FAM184A: variants seen among roughly 807,000 people sequenced by gnomAD.
FAM184A encodes the protein protein FAM184A.
FAM184A carries 99 observed loss-of-function variants against 143.8 expected under a neutral mutation model. The ratio of observed to expected loss-of-function variants is 0.69; its 90% CI spans 0.58 to 0.81. The LOEUF (loss-of-function observed/expected upper bound fraction) is 0.81. FAM184A is among the 40% of genes least tolerant of loss of function. The pLI, the probability that FAM184A is intolerant of heterozygous loss-of-function variation, is 0.00. For synonymous variants in FAM184A, 427 were observed against 446.4 expected (o/e 0.96, Z 0.55); for missense variants, 1,217 against 1,310.5 (o/e 0.93, Z 1.10).
Position 119,065,199 on chromosome 6 carries a change from G to GA in FAM184A, c.159+12941dup, listed in dbSNP as rs775112548. Among the ~76,000 whole-genome samples the GA allele has an allele frequency of 5.9e-5, 9 of 152,158 alleles. No individual in the cohort carries two copies. The South Asian group carries it at 1.0e-3, about 18-fold the overall frequency. The stretch of plus-strand genomic sequence containing the variant: ...TGTCACCATTCTGTGATCATGTTAT[G>GA]AAAAGACTATGGCTTCCATCTTGGT... On this transcript the variant is annotated intron_variant, in intron 1 of 17. Coordinates refer to ENST00000338891, the MANE Select transcript of FAM184A (RefSeq NM_024581.6).
At position 119,093,758 on chromosome 6, in the gene FAM184A, T is replaced by A. The variant is rs536853271; in HGVS notation, c.-202+55320A>T. On this transcript the variant is annotated intron_variant, in intron 1 of 16. Transcript: ENST00000352896. Reference sequence around the variant, plus strand: ...AGACTGGTTTCTGTAACCTCCCTGATTCAAGAGCACCCAGGATTTAAGGTC... The same window carrying A: ...AGACTGGTTTCTGTAACCTCCCTGAATCAAGAGCACCCAGGATTTAAGGTC... Among the ~76,000 whole-genome samples, 6 of 152,232 alleles carry A rather than the reference T, an allele frequency of 3.9e-5. No individual in the cohort carries two copies. The East Asian group carries it at 1.2e-3, about 29-fold the overall frequency.
chr6:118,961,850 A>T lies in FAM184A; in HGVS notation c.3252T>A (p.Ile1084=), dbSNP rs1583754499. The T allele has an allele frequency of 1.9e-6, 3 of 1,613,928 alleles. No homozygotes were observed. The East Asian group carries it at 6.7e-5, about 36-fold the overall frequency. ...GNGHPNRLDP[I]PNSPVHDIEF... ...CAATATCGTGGACTGGAGAATTAGG[A>T]ATGGGATCCAGGCGGTTAGGATGTC... Residue 1084 remains isoleucine (I), a synonymous_variant, in exon 17 of 18, where the codon ATT becomes ATA. Transcript: ENST00000338891.
At chr6:119,089,171 T>TA (rs1349197989) in intron 1 of FAM184A, among the ~76,000 whole-genome samples, 8 of 148,382 alleles carry the variant, frequency 5.4e-5, no homozygotes, top group African/African-American at 2.0e-4. Flanking sequence ...TTTTTTTTTT[T>TA]AATTATCTCT....
intron 1 of FAM184A, among the ~76,000 whole-genome samples, chr6:119,101,242 G>A (rs2114834504): frequency 6.6e-6 from 1 of 151,350 alleles, no homozygotes; most frequent in South Asian, 2.1e-4. Context: ...AATTTTTTTT[G>A]TATTTTTTTA....
intron 1 of FAM184A, among the ~76,000 whole-genome samples, chr6:119,029,336 G>A (rs186990803): frequency 1.4e-4 from 21 of 152,274 alleles, no homozygotes; most frequent in Admixed American, 1.1e-3. Context: ...TCCCCTTGTC[G>A]ACAATTTATT....
chr6:119,090,365 C>T (rs897583928), intron 1 of FAM184A, among the ~76,000 whole-genome samples: 4 of 152,156 alleles, frequency 2.6e-5, no homozygotes, highest in African/African-American at 7.2e-5. Context: ...CTCTGTGTGT[C>T]TGGTTATTCA....
At chr6:119,061,084 A>G (rs1405565237) in intron 1 of FAM184A, among the ~76,000 whole-genome samples, 1 of 152,212 alleles carries the variant, frequency 6.6e-6, no homozygotes, top group Non-Finnish European at 1.5e-5. Flanking sequence ...CAATTTGAAA[A>G]TGTCAAGAAA....
intron 1 of FAM184A, among the ~76,000 whole-genome samples, chr6:119,135,153 T>C (rs2114881580): frequency 6.6e-6 from 1 of 152,268 alleles, no homozygotes; most frequent in East Asian, 1.9e-4. Context: ...TACTGAGTAA[T>C]GCAAAACGAA....
Position 118,960,020 on chromosome 6 carries a change from T to A in FAM184A, c.*83A>T, listed in dbSNP as rs1783267961. 1 of 1,053,144 alleles carries A rather than the reference T, an allele frequency of 9.5e-7. No homozygotes were observed. Among genetic ancestry groups the A allele is most frequent in the Non-Finnish European group, 1.4e-6 (1 of 718,176 alleles). The allele number at this position is 1,053,144 out of a possible 1,614,324, so 65.2% of individuals were successfully genotyped here. On this transcript the variant is annotated 3_prime_UTR_variant, in exon 18 of 18. Coordinates refer to ENST00000338891, the MANE Select transcript of FAM184A (RefSeq NM_024581.6). ...ACTTTCTCATTCACAGTGTTTGACA[T>A]AGGAAAGCCTATTTACATAACAATC...
intron 1 of FAM184A, among the ~76,000 whole-genome samples, chr6:119,066,048 C>T (rs553814208): frequency 6.6e-6 from 1 of 152,130 alleles, no homozygotes; most frequent in Non-Finnish European, 1.5e-5. Flanking sequence ...CCCATGTGTA[C>T]AGGGAAGGAA....
At chr6:119,113,772 T>A (rs1324963036) in intron 1 of FAM184A, among the ~76,000 whole-genome samples, 1 of 152,146 alleles carries the variant, frequency 6.6e-6, no homozygotes, top group East Asian at 1.9e-4. Flanking sequence ...AGACCCCCTG[T>A]CTCTACTAAA....
chr6:119,048,370 T>C (rs1187224854), intron 1 of FAM184A, among the ~76,000 whole-genome samples: 1 of 152,160 alleles, frequency 6.6e-6, no homozygotes, highest in African/African-American at 2.4e-5. Flanking sequence ...GAATTGGAAG[T>C]CTTAGCCAGA....
intron 10 of FAM184A, 58 bp downstream of exon 10, chr6:118,980,080 A>G: frequency 1.4e-6 from 2 of 1,472,678 alleles, no homozygotes; most frequent in Middle Eastern, 2.2e-4. Flanking sequence ...TTTAATTTGA[A>G]GACTAATTAT....
intron 1 of FAM184A, among the ~76,000 whole-genome samples, chr6:119,042,842 T>C (rs1000689612): frequency 6.6e-6 from 1 of 152,066 alleles, no homozygotes; most frequent in African/African-American, 2.4e-5. Context: ...CCATGTGTGT[T>C]GGAGAAAAGG....
At chr6:119,055,603 C>T (rs914109450) in intron 1 of FAM184A, among the ~76,000 whole-genome samples, 1 of 152,154 alleles carries the variant, frequency 6.6e-6, no homozygotes, top group Admixed American at 6.6e-5. Flanking sequence ...GAAGTGGTAT[C>T]GCACTGTGTT....
rs1471303977 is a variant in FAM184A at position 119,024,711 on chromosome 6, T to C, written c.262A>G (p.Arg88Gly). The change falls in exon 2 of 18, where the codon AGA becomes GGA. Residue 88 changes from arginine (R) to glycine (G), a missense_variant. Arg to Gly is a moderately radical substitution (Grantham distance 125). Transcript: ENST00000338891. ...EEIQQILAET[R>G]EKILQYKSKV... ...CTTTTATACTGCAATATTTTTTCTC[T>C]TGTTTCAGCAAGAATTTGTTGAATT... The C allele has an allele frequency of 2.5e-6, 4 of 1,613,830 alleles. No individual in the cohort carries two copies. In the South Asian group the frequency reaches 3.3e-5, roughly 13 times the overall value.
At chr6:119,057,888 T>C (rs1323697056) in intron 1 of FAM184A, 1 of 149,734 alleles carries the variant, frequency 6.7e-6, no homozygotes, top group Non-Finnish European at 1.5e-5. Flanking sequence ...GTGGCTGCTC[T>C]GATAGTAGTG....
In FAM184A at chr6:119,002,979, G is replaced by A; in HGVS notation, c.2008C>T (p.Gln670Ter). Reference protein sequence around the residue: ...HEEDKKSAMSQLLQLKDREKN... With the variant: ...HEEDKKSAMS ...TCTCGATCTTTCAACTGCAAAAGTT[G>A]AGACATTGCTGACTTCTTATCCTCT... The change falls in exon 9 of 18, where the codon CAA (glutamine) becomes TAA (stop). Residue 670 changes from glutamine to a stop codon, truncating the protein, a stop_gained. Coordinates refer to ENST00000338891, the MANE Select transcript of FAM184A (RefSeq NM_024581.6). LOFTEE classifies it high-confidence loss of function. The A allele has an allele frequency of 6.2e-7, 1 of 1,612,918 alleles. No homozygotes were observed. The highest frequency in any genetic ancestry group is 8.5e-7 in the Non-Finnish European group (1 of 1,179,548).
intron 7 of FAM184A, chr6:119,005,997 C>T: frequency 1.5e-6 from 1 of 680,490 alleles, no homozygotes; most frequent in Non-Finnish European, 2.7e-6. Flanking sequence ...CCTCCCAATA[C>T]CTCAGAATGT....
Sources: allele counts gnomAD v4.1 joint callset (sites outside exome capture counted in the v4.1 genomes callset), GRCh38; gene constraint gnomAD v4.1.1; transcripts MANE v1.5; gene names NCBI Gene and HGNC (gene_info 2026-07-23, HGNC 2026-07-21).